The following PTN variants were observed in gnomAD, a reference collection of about 807,000 sequenced individuals.
PTN encodes heparin affin regulatory protein.
In PTN, 18 loss-of-function variants were observed where a neutral mutation model predicts 24.1. That is an observed-to-expected ratio of 0.75 (90% CI 0.52 to 1.11). The LOEUF is 1.11. Ranked by LOEUF, PTN falls within the 50% of genes least tolerant of loss-of-function variation. The pLI, the probability that PTN is intolerant of heterozygous loss-of-function variation, is 0.00. For missense variants in PTN, 163 were observed against 198.8 expected (o/e 0.82, Z 1.08); for synonymous variants, 78 against 68.6 (o/e 1.14, Z -0.67).
At chr7:137,231,857 T>C (rs1230044039) in intron 4 of PTN, among the ~76,000 whole-genome samples, 1 of 151,970 alleles carries the variant, frequency 6.6e-6, no homozygotes, top group Non-Finnish European at 1.5e-5. Context: ...GTCTTTAGAA[T>C]AGAGACCTGA....
intron 1 of PTN, among the ~76,000 whole-genome samples, chr7:137,341,020 A>G (rs1810525221): frequency 6.6e-6 from 1 of 152,212 alleles, no homozygotes; most frequent in South Asian, 2.1e-4. Context: ...CACCATTTTC[A>G]ACGAGCCGGG....
At chr7:137,290,670 T>A (rs1409113848) in intron 1 of PTN, among the ~76,000 whole-genome samples, 1 of 152,184 alleles carries the variant, frequency 6.6e-6, no homozygotes, top group South Asian at 2.1e-4. Flanking sequence ...AATAAATACA[T>A]AGGACAAGTG....
At chr7:137,231,274 C>T (rs898202951) in intron 4 of PTN, among the ~76,000 whole-genome samples, 4 of 151,866 alleles carry the variant, frequency 2.6e-5, no homozygotes, top group Non-Finnish European at 4.4e-5. Flanking sequence ...TTCCTTATGA[C>T]GGTTCTTTGA....
At chr7:137,306,366 G>A (rs1465390542) in intron 1 of PTN, among the ~76,000 whole-genome samples, 10 of 152,050 alleles carry the variant, frequency 6.6e-5, no homozygotes, top group Admixed American at 6.6e-4. Context: ...ATGAGAATGA[G>A]AGTTGGGAGG....
chr7:137,259,610 CT>C (rs1009086530), intron 1 of PTN, among the ~76,000 whole-genome samples: 6 of 150,204 alleles, frequency 4.0e-5, no homozygotes, highest in African/African-American at 1.2e-4. Flanking sequence ...CAAAGAAGTG[CT>C]TTTTTTATTA....
chr7:137,282,234 T>C (rs1384618958), intron 1 of PTN, among the ~76,000 whole-genome samples: 1 of 152,210 alleles, frequency 6.6e-6, no homozygotes, highest in African/African-American at 2.4e-5. Context: ...ACTTTTGTTT[T>C]TAGAGAAGCT....
At chr7:137,287,184 G>C (rs962367841) in intron 1 of PTN, among the ~76,000 whole-genome samples, 1 of 152,202 alleles carries the variant, frequency 6.6e-6, no homozygotes, top group Non-Finnish European at 1.5e-5. Context: ...CCCAGATGAT[G>C]TGATATGTGC....
chr7:137,299,857 G>A (rs1266835697), intron 1 of PTN, among the ~76,000 whole-genome samples: 1 of 151,904 alleles, frequency 6.6e-6, no homozygotes, highest in Non-Finnish European at 1.5e-5. Flanking sequence ...AATCATGGTA[G>A]CCCCCAGGTA....
intron 4 of PTN, among the ~76,000 whole-genome samples, chr7:137,232,904 T>C (rs947200738): frequency 6.6e-6 from 1 of 151,928 alleles, no homozygotes; most frequent in African/African-American, 2.4e-5. Context: ...CCTGCCACCC[T>C]GTGAAGAGGT....
At chr7:137,237,668 C>A (rs1024302549) in intron 4 of PTN, among the ~76,000 whole-genome samples, 3 of 152,146 alleles carry the variant, frequency 2.0e-5, no homozygotes, top group Non-Finnish European at 4.4e-5. Flanking sequence ...CACCCCCCTT[C>A]AAACATGTCC....
At chr7:137,236,220 C>A (rs1808518532) in intron 4 of PTN, 2 of 702,324 alleles carry the variant, frequency 2.8e-6, no homozygotes, top group Admixed American at 2.0e-5. Flanking sequence ...TCTCCCCACT[C>A]CTGTGTCTCC....
At chr7:137,315,588 T>C (rs1810058853) in intron 1 of PTN, among the ~76,000 whole-genome samples, 2 of 152,190 alleles carry the variant, frequency 1.3e-5, no homozygotes, top group African/African-American at 4.8e-5. Flanking sequence ...GTTCCTGCAA[T>C]GTGGAAAGGG....
At chr7:137,234,936 T>A (rs564966027) in intron 4 of PTN, among the ~76,000 whole-genome samples, 1 of 152,040 alleles carries the variant, frequency 6.6e-6, no homozygotes, top group South Asian at 2.1e-4. Context: ...GGAGGAAGTA[T>A]TGATTAGAAT....
chr7:137,329,066 T>A (rs1053197642), intron 1 of PTN, among the ~76,000 whole-genome samples: 2 of 152,158 alleles, frequency 1.3e-5, no homozygotes, highest in African/African-American at 4.8e-5. Flanking sequence ...TTTTACTAGC[T>A]TTTGATCTTG....
rs58738876 is a variant in PTN at position 137,280,699 on chromosome 7, C to CAAAAA, written c.-1-25730_-1-25726dup. Among the ~76,000 whole-genome samples, 32 of 44,344 alleles carry CAAAAA rather than the reference C, an allele frequency of 7.2e-4. 4 individuals carry two copies. The highest frequency in any genetic ancestry group is 1.8e-3 in the African/African-American group (20 of 11,124). The allele number at this position is 44,344 out of a possible 152,430, so 29.1% of individuals were successfully genotyped here. A position where few individuals can be genotyped will look rare whatever the true frequency, so the allele number is the denominator to read the frequency against. ...CAAAACCCCGTCTCTACTAAAAATACAAAAAAAAAAAAAAAAAAAAAAAAA... is the reference window on the plus strand; with the variant it reads ...CAAAACCCCGTCTCTACTAAAAATACAAAAAAAAAAAAAAAAAAAAAAAAAAAAAA... On this transcript the variant is annotated intron_variant, in intron 1 of 4. Transcript: ENST00000348225.
At chr7:137,237,377 A>C (rs1249263950) in intron 4 of PTN, among the ~76,000 whole-genome samples, 1 of 152,144 alleles carries the variant, frequency 6.6e-6, no homozygotes, top group East Asian at 1.9e-4. Flanking sequence ...GTTATATTTA[A>C]TCTACTGAGT....
chr7:137,227,803 C>G lies in PTN; in HGVS notation c.*217G>C, dbSNP rs1471441016. 2.6e-6 allele frequency: 1 copy of G among 389,898 alleles called. No homozygotes were observed. Among genetic ancestry groups the G allele is most frequent in the East Asian group, 3.9e-5 (1 of 25,688 alleles). 24.2% of individuals were successfully genotyped at this position (389,898 alleles called of 1,614,324 possible). A position where few individuals can be genotyped will look rare whatever the true frequency, so the allele number is the denominator to read the frequency against. On this transcript the variant is annotated 3_prime_UTR_variant, in exon 5 of 5. Transcript: ENST00000348225. Reference sequence around the variant, plus strand: ...TTATCATGTACTATAAGTCAACTTCCTAAATAAGATTACAGTCCTTTATTA... The same window carrying G: ...TTATCATGTACTATAAGTCAACTTCGTAAATAAGATTACAGTCCTTTATTA...
Position 137,290,578 on chromosome 7 carries a change from A to G in PTN, c.-1-35604T>C, listed in dbSNP as rs184550862. Among the ~76,000 whole-genome samples the G allele has an allele frequency of 2.6e-3, 399 of 152,310 alleles. 3 individuals are homozygous for G. The highest frequency in any genetic ancestry group is 9.2e-3 in the African/African-American group (384 of 41,582). ...GCTTTAGAGTGTCCAATGTATTACC[A>G]CATTCATTATATCACCTGGACCTTA... On this transcript the variant is annotated intron_variant, in intron 1 of 4. Transcript: ENST00000348225.
chr7:137,243,558 A>T (rs1808670119), intron 4 of PTN, among the ~76,000 whole-genome samples: 2 of 152,204 alleles, frequency 1.3e-5, no homozygotes, highest in Admixed American at 1.3e-4. Context: ...AAGACCCTTG[A>T]AGCTTCCCTT....
Sources: gnomAD v4.1 joint callset for allele counts (sites outside exome capture counted in the v4.1 genomes callset) on GRCh38, gnomAD v4.1.1 for gene constraint, MANE v1.5 for transcripts, NCBI Gene and HGNC (gene_info 2026-07-23, HGNC 2026-07-21) for gene names.